Variants in DCC observed in about 807,000 individuals in gnomAD.
The protein encoded by DCC is DCC netrin 1 receptor.
Under a neutral mutation model 172.5 loss-of-function variants are expected in DCC, and 58 were observed. The ratio of observed to expected loss-of-function variants is 0.34; its 90% CI spans 0.27 to 0.42. The LOEUF is 0.42. Ranked by LOEUF, DCC falls within the 10% of genes least tolerant of loss-of-function variation. The pLI is 1.00. For missense variants in DCC, 1,740 were observed against 1,791.0 expected (o/e 0.97, Z 0.51); for synonymous variants, 709 against 644.5 (o/e 1.10, Z -1.52).
intron 12 of DCC, among the ~76,000 whole-genome samples, chr18:53,267,821 A>G (rs1446968920): frequency 6.6e-6 from 1 of 152,154 alleles, no homozygotes; most frequent in Non-Finnish European, 1.5e-5. Flanking sequence ...GGGACTTGTC[A>G]AGTTGAGTAG....
chr18:53,058,293 G>A (rs1371871950), intron 5 of DCC, among the ~76,000 whole-genome samples: 3 of 152,110 alleles, frequency 2.0e-5, no homozygotes, highest in Non-Finnish European at 4.4e-5. Flanking sequence ...GAAAAAATAA[G>A]ATTTGAGCAG....
At chr18:53,296,424 A>G (rs1056705249) in intron 12 of DCC, among the ~76,000 whole-genome samples, 2 of 152,252 alleles carry the variant, frequency 1.3e-5, no homozygotes, top group South Asian at 4.2e-4. Context: ...CATTTGTACC[A>G]TAATCCTACG....
chr18:52,549,453 C>G (rs1345256096), intron 1 of DCC, among the ~76,000 whole-genome samples: 2 of 151,948 alleles, frequency 1.3e-5, no homozygotes, highest in African/African-American at 4.8e-5. Context: ...AAGCAACTTT[C>G]CCCCTCCGAC....
intron 1 of DCC, among the ~76,000 whole-genome samples, chr18:52,501,844 T>C (rs952703247): frequency 1.3e-5 from 2 of 152,204 alleles, no homozygotes; most frequent in Non-Finnish European, 2.9e-5. Context: ...TCATCTACTA[T>C]GTGCCATTTG....
intron 1 of DCC, among the ~76,000 whole-genome samples, chr18:52,577,650 T>A (rs541075869): frequency 5.3e-5 from 8 of 152,174 alleles, no homozygotes; most frequent in Non-Finnish European, 1.0e-4. Flanking sequence ...CCCACTTAGA[T>A]GAAGTAATGC....
intron 1 of DCC, among the ~76,000 whole-genome samples, chr18:52,571,089 A>G (rs1025586741): frequency 1.3e-5 from 2 of 152,190 alleles, no homozygotes; most frequent in Non-Finnish European, 2.9e-5. Flanking sequence ...AAGGTGCACA[A>G]AAACTTTTTC....
chr18:53,009,658 CAT>C (rs1247900070), intron 5 of DCC, among the ~76,000 whole-genome samples: 6 of 151,820 alleles, frequency 4.0e-5, no homozygotes, highest in Non-Finnish European at 8.8e-5. Flanking sequence ...GTCTGTTCTT[CAT>C]ATATGTTAGT....
chr18:52,978,219 GAGAA>G (rs1568224170), intron 5 of DCC, among the ~76,000 whole-genome samples: 1 of 151,996 alleles, frequency 6.6e-6, no homozygotes, highest in Admixed American at 6.5e-5. Context: ...AATATCACAC[GAGAA>G]AGACAGTGGA....
intron 1 of DCC, among the ~76,000 whole-genome samples, chr18:52,579,282 T>G (rs2033489442): frequency 6.6e-6 from 1 of 152,192 alleles, no homozygotes; most frequent in Non-Finnish European, 1.5e-5. Context: ...GATTTCTTTA[T>G]AAAGATAAAT....
Position 52,927,147 on chromosome 18 carries a change from G to GTGTATATATA in DCC, c.985+1778_985+1787dup, listed in dbSNP as rs1568192200. ...TATACACGTATATACGTGTATATAT[G>GTGTATATATA]TGTATATATACGTATATATGTGTAT... On this transcript the variant is annotated intron_variant, in intron 5 of 28. Coordinates refer to ENST00000442544, the MANE Select transcript of DCC (RefSeq NM_005215.4). 2.7e-4 allele frequency among the ~76,000 whole-genome samples: 8 copies of GTGTATATATA among 29,874 alleles called. 3 individuals carry two copies. The highest frequency in any genetic ancestry group is 8.8e-4 in the African/African-American group (8 of 9,128). The allele number at this position is 29,874 out of a possible 152,430, so 19.6% of individuals were successfully genotyped here.
At chr18:53,393,914 C>CCTCTCTCTCTCTCTCCCTCT (rs1323959382) in intron 17 of DCC, among the ~76,000 whole-genome samples, 1 of 108,050 alleles carries the variant, frequency 9.3e-6, no homozygotes, top group Non-Finnish European at 2.3e-5. Flanking sequence ...TCTCTCTCTC[C>CCTCTCTCTCTCTCTCCCTCT]CTCTCTCCCT....
chr18:53,340,218 TTTTC>T (rs2057642250), intron 15 of DCC, among the ~76,000 whole-genome samples: 1 of 152,174 alleles, frequency 6.6e-6, no homozygotes, highest in African/African-American at 2.4e-5. Context: ...GTTGGGCCAT[TTTTC>T]TTTTTCCAGT....
chr18:52,915,058 G>A (rs964078796), intron 3 of DCC, among the ~76,000 whole-genome samples: 1 of 152,122 alleles, frequency 6.6e-6, no homozygotes, highest in African/African-American at 2.4e-5. Context: ...GTTATTTTGA[G>A]GAAGACAGTT....
chr18:53,309,922 GTA>G (rs5825006), intron 13 of DCC, among the ~76,000 whole-genome samples: 10,869 of 122,478 alleles, frequency 0.089, 572 homozygotes, highest in African/African-American at 0.17. Flanking sequence ...ATATGTGCGT[GTA>G]TATATATATA....
intron 1 of DCC, among the ~76,000 whole-genome samples, chr18:52,748,288 C>T (rs1033906580): frequency 6.6e-6 from 1 of 152,122 alleles, no homozygotes; most frequent in Non-Finnish European, 1.5e-5. Context: ...ACGGTGACAC[C>T]CAAAAAACTT....
chr18:53,344,440 C>CTTTTTTTTTTTTTTTTTTTTT (rs71175582), intron 15 of DCC, among the ~76,000 whole-genome samples: 11 of 97,062 alleles, frequency 1.1e-4, no homozygotes, highest in African/African-American at 2.1e-4. Flanking sequence ...TTTCGTTTTT[C>CTTTTTTTTTTTTTTTTTTTTT]TTTTTTTTTT....
intron 5 of DCC, among the ~76,000 whole-genome samples, chr18:53,047,460 T>TATATATATATAC (rs2042268374): frequency 1.0e-5 from 1 of 96,736 alleles, no homozygotes; most frequent in Non-Finnish European, 2.0e-5. Context: ...TATATATATA[T>TATATATATATAC]ATACCATTTT....
At chr18:53,066,657 A>G (rs2042575420) in intron 7 of DCC, among the ~76,000 whole-genome samples, 1 of 151,834 alleles carries the variant, frequency 6.6e-6, no homozygotes, top group Non-Finnish European at 1.5e-5. Context: ...ATCTATAAAT[A>G]TATATACATA....
chr18:53,159,628 A>T (rs958881045), intron 8 of DCC, among the ~76,000 whole-genome samples: 1 of 152,142 alleles, frequency 6.6e-6, no homozygotes, highest in Admixed American at 6.5e-5. Flanking sequence ...ACTTCTTTCA[A>T]TGGAAGTCTA....
Sources: allele counts gnomAD v4.1 joint callset (sites outside exome capture counted in the v4.1 genomes callset), GRCh38; gene constraint gnomAD v4.1.1; transcripts MANE v1.5; gene names NCBI Gene and HGNC (gene_info 2026-07-23, HGNC 2026-07-21).